The following PRKCA variants were observed in gnomAD, a reference collection of about 807,000 sequenced individuals.
The protein encoded by PRKCA is protein kinase C alpha.
In PRKCA, 27 loss-of-function variants were observed where a neutral mutation model predicts 87.0. The ratio of observed to expected loss-of-function variants is 0.31; its 90% CI spans 0.23 to 0.43. PRKCA has a LOEUF of 0.43. Ranked by LOEUF, PRKCA falls within the 20% of genes least tolerant of loss-of-function variation. The pLI, the probability that PRKCA is intolerant of heterozygous loss-of-function variation, is 1.00. For synonymous variants in PRKCA, 329 were observed against 311.1 expected, an observed-to-expected ratio of 1.06 and a Z score of -0.61; for missense variants, 518 against 852.3, an observed-to-expected ratio of 0.61 and a Z score of 4.88.
chr17:66,660,655 C>T (rs962050339), intron 5 of PRKCA, among the ~76,000 whole-genome samples: 7 of 151,950 alleles, frequency 4.6e-5, no homozygotes, highest in Admixed American at 6.6e-5. Context: ...TTTGGGAAGC[C>T]GAGGCGGGCG....
intron 2 of PRKCA, among the ~76,000 whole-genome samples, chr17:66,493,561 C>T (rs1211161169): frequency 2.0e-5 from 3 of 151,978 alleles, no homozygotes; most frequent in Non-Finnish European, 4.4e-5. Flanking sequence ...TCTGTCTGTC[C>T]TCCCTGCCTC....
At chr17:66,708,694 A>G (rs908299142) in intron 8 of PRKCA, among the ~76,000 whole-genome samples, 1 of 152,108 alleles carries the variant, frequency 6.6e-6, no homozygotes, top group African/African-American at 2.4e-5. Context: ...CATCCCAGCT[A>G]CTCAATACAG....
Position 66,688,328 on chromosome 17 carries a change from G to T in PRKCA, c.713G>T (p.Arg238Leu), listed in dbSNP as rs776118914. The T allele has an allele frequency of 6.2e-7, 1 of 1,614,146 alleles. No homozygotes were observed. Among genetic ancestry groups the T allele is most frequent in the Non-Finnish European group, 8.5e-7 (1 of 1,180,014 alleles). ...AAATTGAAACCTTCAGACAAAGACC[G>T]ACGACTGTCTGTAGAAATCTGGGAC... ...TFKLKPSDKDRRLSVEIWDWD... is the reference protein window; with the variant it reads ...TFKLKPSDKDLRLSVEIWDWD... The change falls in exon 7 of 17, where the codon CGA becomes CTA. Residue 238 changes from arginine to leucine, a missense_variant. Coordinates refer to ENST00000413366, the MANE Select transcript of PRKCA (RefSeq NM_002737.3).
intron 2 of PRKCA, among the ~76,000 whole-genome samples, chr17:66,328,240 A>G (rs189130861): frequency 3.9e-4 from 60 of 151,964 alleles, no homozygotes; most frequent in Admixed American, 8.5e-4. Flanking sequence ...TTTGATAGAG[A>G]CGGGGTCTCG....
intron 2 of PRKCA, among the ~76,000 whole-genome samples, chr17:66,376,756 A>G (rs1909441335): frequency 6.6e-6 from 1 of 152,150 alleles, no homozygotes; most frequent in African/African-American, 2.4e-5. Context: ...CGTCCTGGGC[A>G]TCGGCATCTG....
chr17:66,454,774 G>A (rs1269122963), intron 2 of PRKCA, among the ~76,000 whole-genome samples: 1 of 152,226 alleles, frequency 6.6e-6, no homozygotes, highest in Non-Finnish European at 1.5e-5. Flanking sequence ...ATTTACGGGA[G>A]GTACAATTCG....
At chr17:66,437,064 C>T (rs1913434001) in intron 2 of PRKCA, among the ~76,000 whole-genome samples, 2 of 152,032 alleles carry the variant, frequency 1.3e-5, no homozygotes, top group African/African-American at 4.8e-5. Context: ...GCAGAGCAAA[C>T]GAAGCCAGGA....
intron 4 of PRKCA, among the ~76,000 whole-genome samples, chr17:66,642,773 G>C (rs1423161662): frequency 8.2e-6 from 1 of 122,276 alleles, no homozygotes; most frequent in African/African-American, 3.9e-5. Context: ...GAAACGCTGG[G>C]ATTTCCACCA....
intron 2 of PRKCA, among the ~76,000 whole-genome samples, chr17:66,477,635 G>A (rs1164912991): frequency 4.6e-5 from 7 of 152,216 alleles, no homozygotes; most frequent in Non-Finnish European, 5.9e-5. Flanking sequence ...GGGAGACGGA[G>A]GTTGTGGTGA....
chr17:66,328,614 A>T (rs79345103), intron 2 of PRKCA, among the ~76,000 whole-genome samples: 15,711 of 152,070 alleles, frequency 0.1, 1,146 homozygotes, highest in East Asian at 0.24. Flanking sequence ...CCTGGCCAAC[A>T]TGGGGAAACC....
At chr17:66,372,783 G>A (rs191826208) in intron 2 of PRKCA, among the ~76,000 whole-genome samples, 4 of 152,280 alleles carry the variant, frequency 2.6e-5, no homozygotes, top group Middle Eastern at 3.4e-3. Context: ...CAGGCCAGGC[G>A]CAGTGGCTCG....
At chr17:66,666,181 C>A (rs1972037951) in intron 5 of PRKCA, among the ~76,000 whole-genome samples, 1 of 152,182 alleles carries the variant, frequency 6.6e-6, no homozygotes, top group Non-Finnish European at 1.5e-5. Context: ...GAGCAGAAAT[C>A]CGCTTTGGGA....
chr17:66,354,434 C>A (rs915289096), intron 2 of PRKCA, among the ~76,000 whole-genome samples: 2 of 152,250 alleles, frequency 1.3e-5, no homozygotes, highest in African/African-American at 4.8e-5. Flanking sequence ...TGAATGGTGG[C>A]CATTCTGAAA....
At chr17:66,427,278 C>A (rs1567823479) in intron 2 of PRKCA, among the ~76,000 whole-genome samples, 1 of 152,184 alleles carries the variant, frequency 6.6e-6, no homozygotes. Flanking sequence ...GCAATCCACC[C>A]GCCTTGGCCT....
intron 3 of PRKCA, among the ~76,000 whole-genome samples, chr17:66,596,669 C>T (rs1268316229): frequency 2.0e-5 from 2 of 101,960 alleles, no homozygotes; most frequent in African/African-American, 4.3e-5. Flanking sequence ...CATGCTGGTG[C>T]GCTGCACCCA....
intron 10 of PRKCA, among the ~76,000 whole-genome samples, chr17:66,736,966 T>C (rs1598907421): frequency 6.6e-6 from 1 of 152,258 alleles, no homozygotes; most frequent in South Asian, 2.1e-4. Context: ...AAAAGTTTGC[T>C]GAGCTCTGTC....
chr17:66,446,622 A>G (rs952923686), intron 2 of PRKCA, among the ~76,000 whole-genome samples: 1 of 152,114 alleles, frequency 6.6e-6, no homozygotes, highest in African/African-American at 2.4e-5. Flanking sequence ...GGGCTTGTAC[A>G]TTTTGGTGAC....
At chr17:66,400,769 C>T (rs1304385375) in intron 2 of PRKCA, among the ~76,000 whole-genome samples, 1 of 152,210 alleles carries the variant, frequency 6.6e-6, no homozygotes, top group Non-Finnish European at 1.5e-5. Context: ...TTCTCTGCAT[C>T]ATTGCCAACA....
chr17:66,495,588 G>T (rs1278504966), intron 2 of PRKCA, among the ~76,000 whole-genome samples: 1 of 86,876 alleles, frequency 1.2e-5, no homozygotes, highest in Non-Finnish European at 2.8e-5. Flanking sequence ...TTTCACTCTT[G>T]TTGCCCAGTC....
Sources: allele counts gnomAD v4.1 joint callset (sites outside exome capture counted in the v4.1 genomes callset), GRCh38; gene constraint gnomAD v4.1.1; transcripts MANE v1.5; gene names NCBI Gene and HGNC (gene_info 2026-07-23, HGNC 2026-07-21).